FAM83C: variants seen among roughly 807,000 people sequenced by gnomAD.
FAM83C encodes scaffolding CK1 anchoring protein C, also known as protein FAM83C.
Under a neutral mutation model 27.1 loss-of-function variants are expected in FAM83C, and 23 were observed. The observed-to-expected ratio is 0.85, with a 90% CI of 0.61 to 1.20. The LOEUF (loss-of-function observed/expected upper bound fraction) is 1.20, where lower values mean the gene tolerates loss of function less well. FAM83C is among the 50% of genes most tolerant of loss of function. FAM83C has a pLI of 0.00. For synonymous variants in FAM83C, 426 were observed against 423.1 expected (o/e 1.01, Z -0.09); for missense variants, 984 against 1,001.3 (o/e 0.98, Z 0.23).
At position 35,287,704 on chromosome 20, in the gene FAM83C, G is replaced by A. The variant is rs200412911; in HGVS notation, c.1075C>T (p.Arg359Cys). The change falls in exon 4 of 4, where the codon CGC becomes TGC. Residue 359 changes from arginine to cysteine, a missense_variant. By Grantham distance (180) the Arg-to-Cys change is radical. Coordinates refer to ENST00000374408, the MANE Select transcript of FAM83C (RefSeq NM_178468.6). ...CCTGGTAGAGCGAGGTAGGAGGAGC[G>A]ACCCATAAGCGGTGACTGCTTGATG... Reference protein sequence around the residue: ...SSIKQSPLMGRSSYLALPGGG... With the variant: ...SSIKQSPLMGCSSYLALPGGG... 2.5e-5 allele frequency: 41 copies of A among 1,614,014 alleles called. No homozygotes were observed. The highest frequency in any genetic ancestry group is 1.6e-4 in the Middle Eastern group (1 of 6,062).
At position 35,287,008 on chromosome 20, in the gene FAM83C, G is replaced by A. The variant is rs781633024; in HGVS notation, c.1771C>T (p.Arg591Cys). The A allele has an allele frequency of 2.1e-5, 34 of 1,609,096 alleles. No homozygotes were observed. The highest frequency in any genetic ancestry group is 8.3e-5 in the Admixed American group (5 of 60,008). The change falls in exon 4 of 4, where the codon CGT (arginine) becomes TGT (cysteine). Residue 591 changes from arginine to cysteine, a missense_variant. Coordinates refer to ENST00000374408, the MANE Select transcript of FAM83C (RefSeq NM_178468.6). The part of the protein sequence containing the change: ...EDRRLSLNQS[R>C]GQSDLLMQYP... The stretch of plus-strand genomic sequence containing the variant: ...TGCATCAGGAGGTCTGATTGGCCAC[G>A]GCTTTGGTTTAGGGACAGCCTCCTG...
chr20:35,287,062 G>A lies in FAM83C; in HGVS notation c.1717C>T (p.Leu573Phe). ...GTGGAPELGSLRPGDRALEDR... is the reference protein window; with the variant it reads ...GTGGAPELGSFRPGDRALEDR... ...TCCAGGGCCCGATCACCAGGTCTGAGGGAACCCAACTCAGGGGCACCCCCA... is the reference window on the plus strand; with the variant it reads ...TCCAGGGCCCGATCACCAGGTCTGAAGGAACCCAACTCAGGGGCACCCCCA... The change falls in exon 4 of 4, where the codon CTC (leucine) becomes TTC (phenylalanine). Residue 573 changes from leucine (L) to phenylalanine (F), a missense_variant. Leu to Phe is a conservative substitution (Grantham distance 22). Coordinates refer to ENST00000374408, the MANE Select transcript of FAM83C (RefSeq NM_178468.6). 1.9e-6 allele frequency: 3 copies of A among 1,604,912 alleles called. No individual in the cohort carries two copies. Among genetic ancestry groups the A allele is most frequent in the Non-Finnish European group, 2.5e-6 (3 of 1,179,974 alleles).
Position 35,292,139 on chromosome 20 carries a change from C to T in FAM83C, c.166G>A (p.Gly56Ser), listed in dbSNP as rs770617010. 6.2e-7 allele frequency: 1 copy of T among 1,601,062 alleles called. No individual in the cohort carries two copies. Among genetic ancestry groups the T allele is most frequent in the South Asian group, 1.1e-5 (1 of 91,080 alleles). ...ATGACCCGCAGGTAGGCAGCCTCACCCCGCTCCAGGAGGGCGTCGGCCGCC... is the reference window on the plus strand; with the variant it reads ...ATGACCCGCAGGTAGGCAGCCTCACTCCGCTCCAGGAGGGCGTCGGCCGCC... ...RLAADALLER[G>S]EAAYLRVISE... Residue 56 changes from glycine (G) to serine (S), a missense_variant, in exon 1 of 4, where the codon GGT (glycine) becomes AGT (serine). Coordinates refer to ENST00000374408, the MANE Select transcript of FAM83C (RefSeq NM_178468.6).
chr20:35,287,726 G>A lies in FAM83C; in HGVS notation c.1053C>T (p.Ile351=). ...SLPSSTSLSS[I]KQSPLMGRSS... is the part of the protein sequence containing the mutation. ...AGCGACCCATAAGCGGTGACTGCTTGATGCTGCTGAGGCTGGTGCTGGAGG... is the reference window on the plus strand; with the variant it reads ...AGCGACCCATAAGCGGTGACTGCTTAATGCTGCTGAGGCTGGTGCTGGAGG... The change falls in exon 4 of 4, where the codon ATC becomes ATT. Residue 351 remains isoleucine, a synonymous_variant. Coordinates refer to ENST00000374408, the MANE Select transcript of FAM83C (RefSeq NM_178468.6). The A allele has an allele frequency of 6.2e-7, 1 of 1,614,010 alleles. No homozygotes were observed. Among genetic ancestry groups the A allele is most frequent in the Non-Finnish European group, 8.5e-7 (1 of 1,179,940 alleles).
chr20:35,288,734 C>G, intron 2 of FAM83C, 57 bp downstream of exon 2: 3 of 1,556,652 alleles, frequency 1.9e-6, no homozygotes, highest in Non-Finnish European at 2.6e-6. Context: ...ACTGGCTCCC[C>G]TGCCCTCCCT....
Position 35,292,420 on chromosome 20 carries a change from T to C in FAM83C, c.-116A>G. 2 of 1,375,370 alleles carry C rather than the reference T, an allele frequency of 1.5e-6. No individual in the cohort carries two copies. The highest frequency in any genetic ancestry group is 9.5e-7 in the Non-Finnish European group (1 of 1,050,760). 85.2% of individuals were successfully genotyped at this position (1,375,370 alleles called of 1,614,324 possible). A position where few individuals can be genotyped will look rare whatever the true frequency, so the allele number is the denominator to read the frequency against. On this transcript the variant is annotated 5_prime_UTR_variant, in exon 1 of 4. Transcript: ENST00000374408. ...CTTCTGCCCGCCCGCTCGCTGTGTG[T>C]GTGGCAGGGCCCCCAAACTGTTGCC...
intron 2 of FAM83C, 97 bp downstream of exon 2, chr20:35,288,694 C>T (rs749978015): frequency 6.5e-7 from 1 of 1,540,334 alleles, no homozygotes; most frequent in South Asian, 1.3e-5. Context: ...CCCCCCACTC[C>T]CAGTGCCCCC....
Position 35,286,894 on chromosome 20 carries a change from T to A in FAM83C, c.1885A>T (p.Thr629Ser), listed in dbSNP as rs1003765128. ...AGGTCCAGCTGGCTGTGCCCCAGGG[T>A]CTGCCGCCGCTCATCTGGTGCCCGT... ...ARRAPDERRQ[T>S]LGHSQLDLIT... The change falls in exon 4 of 4, where the codon ACC becomes TCC. Residue 629 changes from threonine (T) to serine (S), a missense_variant. Transcript: ENST00000374408. 21 of 1,614,044 alleles carry A rather than the reference T, an allele frequency of 1.3e-5. No homozygotes were observed. The highest frequency in any genetic ancestry group is 3.3e-4 in the Middle Eastern group (2 of 6,084).
In FAM83C at chr20:35,287,861, A is replaced by G; in HGVS notation, c.918T>C (p.Pro306=). ...CCTCACCGCCACAGAAGCCCTCCAC[A>G]GGCTGCGACTCAGCGTACAGACAGC... ...EFRCLYAESQ[P]VEGFCGGEDP... Residue 306 remains proline, a synonymous_variant, in exon 4 of 4, where the codon CCT becomes CCC. Coordinates refer to ENST00000374408, the MANE Select transcript of FAM83C (RefSeq NM_178468.6). The G allele has an allele frequency of 6.4e-7, 1 of 1,566,348 alleles. No individual in the cohort carries two copies. Among genetic ancestry groups the G allele is most frequent in the Non-Finnish European group, 8.7e-7 (1 of 1,154,852 alleles).
Position 35,286,276 on chromosome 20 carries a change from A to T in FAM83C, c.*259T>A. The T allele has an allele frequency of 2.1e-6, 1 of 479,208 alleles. No homozygotes were observed. The highest frequency in any genetic ancestry group is 3.7e-6 in the Non-Finnish European group (1 of 268,160). 29.7% of individuals were successfully genotyped at this position (479,208 alleles called of 1,614,324 possible). On this transcript the variant is annotated 3_prime_UTR_variant, in exon 4 of 4. Transcript: ENST00000374408. ...CATTTCACCTCTGTCCCCAGGTCTGAGTGTGACCCACCTGTCAGCTCTACA... is the reference window on the plus strand; with the variant it reads ...CATTTCACCTCTGTCCCCAGGTCTGTGTGTGACCCACCTGTCAGCTCTACA...
At chr20:35,288,061 C>A in intron 3 of FAM83C, 89 bp from the exon 4 acceptor site, 8 of 1,147,562 alleles carry the variant, frequency 7.0e-6, no homozygotes, top group Non-Finnish European at 9.8e-6. Context: ...ATACCTGGTC[C>A]AGCACGCTAG....
At position 35,288,919 on chromosome 20, in the gene FAM83C, G is replaced by T. The variant is rs1462900016; in HGVS notation, c.553C>A (p.Leu185Ile). 2 of 1,613,954 alleles carry T rather than the reference G, an allele frequency of 1.2e-6. No individual in the cohort carries two copies. The highest frequency in any genetic ancestry group is 1.3e-5 in the African/African-American group (1 of 74,922). Residue 185 changes from leucine to isoleucine, a missense_variant, in exon 2 of 4, where the codon CTT (leucine) becomes ATT (isoleucine). Transcript: ENST00000374408. ...GAGGCCTCCATGAGGTCACACAGAA[G>T]CTCCATGTCAGTGAATATGTCCATC... is the stretch of plus-strand genomic sequence containing the variant. ...VVMDIFTDME[L>I]LCDLMEASSR...
rs760221525 is a variant in FAM83C at position 35,287,436 on chromosome 20, C to T, written c.1343G>A (p.Arg448His). 22 of 1,613,978 alleles carry T rather than the reference C, an allele frequency of 1.4e-5. No homozygotes were observed. The highest frequency in any genetic ancestry group is 7.7e-5 in the South Asian group (7 of 91,082). The stretch of plus-strand genomic sequence containing the variant: ...ATGGAACTGGAGGAGGGGCCGGGAG[C>T]GAGGAAGCAGAGGTGACCCCACTGC... Reference protein sequence around the residue: ...TLAVGSPLLPRSRPLLQFHRG... With the variant: ...TLAVGSPLLPHSRPLLQFHRG... The change falls in exon 4 of 4, where the codon CGC becomes CAC. Residue 448 changes from arginine (R) to histidine (H), a missense_variant. Physicochemically the swap from Arg to His is conservative, Grantham distance 29. Transcript: ENST00000374408.
chr20:35,286,044 C>CA lies in FAM83C; in HGVS notation c.*490dup. The CA allele has an allele frequency of 6.2e-6, 1 of 162,064 alleles. No homozygotes were observed. The highest frequency in any genetic ancestry group is 1.3e-5 in the Non-Finnish European group (1 of 74,632). The allele number at this position is 162,064 out of a possible 1,614,324, so 10.0% of individuals were successfully genotyped here. Reference sequence around the variant, plus strand: ...ATCTCTTTCACCTGATTCTCTCTACCAAAAATTTTTCTAACTCTCTCCTCC... The same window carrying CA: ...ATCTCTTTCACCTGATTCTCTCTACCAAAAAATTTTTCTAACTCTCTCCTCC... On this transcript the variant is annotated 3_prime_UTR_variant, in exon 4 of 4. Transcript: ENST00000374408.
chr20:35,285,991 C>T lies in FAM83C; in HGVS notation c.*544G>A, dbSNP rs2060821610. On this transcript the variant is annotated 3_prime_UTR_variant, in exon 4 of 4. Coordinates refer to ENST00000374408, the MANE Select transcript of FAM83C (RefSeq NM_178468.6). ...ACTCTGCTCTTCCTCACTCATTCAC[C>T]TCAGACCCACTCAGTCCTCTTTAGG... The T allele has an allele frequency of 6.4e-6, 1 of 155,314 alleles. No individual in the cohort carries two copies. The highest frequency in any genetic ancestry group is 2.5e-5 in the African/African-American group (1 of 40,680). The allele number at this position is 155,314 out of a possible 1,614,324, so 9.6% of individuals were successfully genotyped here.
Position 35,288,776 on chromosome 20 carries a change from CT to C in FAM83C, c.681+14del, listed in dbSNP as rs1311509055. 5.6e-6 allele frequency: 9 copies of C among 1,599,942 alleles called. No homozygotes were observed. Among genetic ancestry groups the C allele is most frequent in the African/African-American group, 2.7e-5 (2 of 74,750 alleles). On this transcript the variant is annotated intron_variant, in intron 2 of 3. Coordinates refer to ENST00000374408, the MANE Select transcript of FAM83C (RefSeq NM_178468.6). ...CCGCCCACACCCCTGGTTACTGCCCCTGGTCCTCACTGACCGGCAGGTGCTC... is the reference window on the plus strand; with the variant it reads ...CCGCCCACACCCCTGGTTACTGCCCCGGTCCTCACTGACCGGCAGGTGCTC...
rs1364071617 is a variant in FAM83C, at chr20:35,286,262, T to C, written c.*273A>G. 1 of 434,154 alleles carries C rather than the reference T, an allele frequency of 2.3e-6. No individual in the cohort carries two copies. Among genetic ancestry groups the C allele is most frequent in the Non-Finnish European group, 4.1e-6 (1 of 241,814 alleles). The allele number at this position is 434,154 out of a possible 1,614,324, so 26.9% of individuals were successfully genotyped here. A position where few individuals can be genotyped will look rare whatever the true frequency, so the allele number is the denominator to read the frequency against. The stretch of plus-strand genomic sequence containing the variant: ...TCCAGCAGCTTGTGCATTTCACCTC[T>C]GTCCCCAGGTCTGAGTGTGACCCAC... On this transcript the variant is annotated 3_prime_UTR_variant, in exon 4 of 4. Coordinates refer to ENST00000374408, the MANE Select transcript of FAM83C (RefSeq NM_178468.6).
chr20:35,286,356 T>G lies in FAM83C; in HGVS notation c.*179A>C, dbSNP rs6060348. 0.33 allele frequency: 109,450 copies of G among 334,554 alleles called. 5,437 individuals carry two copies. The highest frequency in any genetic ancestry group is 0.41 in the South Asian group (12,571 of 30,890). The allele number at this position is 334,554 out of a possible 1,614,324, so 20.7% of individuals were successfully genotyped here. ...AGATTCAAGAAGATACTAGTTAGGG[T>G]GTGTGTGTGTGTGTGTGTGTGTGTG... On this transcript the variant is annotated 3_prime_UTR_variant, in exon 4 of 4. Coordinates refer to ENST00000374408, the MANE Select transcript of FAM83C (RefSeq NM_178468.6).
intron 1 of FAM83C, among the ~76,000 whole-genome samples, chr20:35,290,014 T>C (rs1322721954): frequency 2.0e-5 from 3 of 152,172 alleles, no homozygotes. Context: ...GGACTGTCTG[T>C]CTGAGGCTCC....
Sources: gnomAD v4.1 joint callset for allele counts (sites outside exome capture counted in the v4.1 genomes callset) on GRCh38, gnomAD v4.1.1 for gene constraint, MANE v1.5 for transcripts, NCBI Gene and HGNC (gene_info 2026-07-23, HGNC 2026-07-21) for gene names.